The following ATP8A2 variants were observed in gnomAD, a reference collection of about 807,000 sequenced individuals.
The protein encoded by ATP8A2 is ATPase phospholipid transporting 8A2, also known as phospholipid-transporting ATPase IB.
A neutral mutation model predicts 165.6 loss-of-function variants in ATP8A2; 100 were observed. The observed-to-expected ratio is 0.60, with a 90% confidence interval of 0.51 to 0.71. The LOEUF (loss-of-function observed/expected upper bound fraction) is 0.71. Ranked by LOEUF, ATP8A2 falls within the 30% of genes least tolerant of loss-of-function variation. The pLI, the probability that ATP8A2 is intolerant of heterozygous loss-of-function variation, is 0.00. For missense variants in ATP8A2, 1,227 were observed against 1,479.5 expected, an observed-to-expected ratio of 0.83 and a Z score of 2.80; for synonymous variants, 543 against 548.8, an observed-to-expected ratio of 0.99 and a Z score of 0.15.
chr13:25,681,951 C>G (rs1440022824), intron 24 of ATP8A2, among the ~76,000 whole-genome samples: 1 of 152,120 alleles, frequency 6.6e-6, no homozygotes, highest in Non-Finnish European at 1.5e-5. Flanking sequence ...AGTGATGGGT[C>G]CCCGTCGAGT....
chr13:25,415,230 C>T (rs993857101), intron 1 of ATP8A2, among the ~76,000 whole-genome samples: 2 of 152,192 alleles, frequency 1.3e-5, no homozygotes, highest in Non-Finnish European at 2.9e-5. Context: ...TCCTCCTCCC[C>T]ATGTACTCTC....
In ATP8A2 at chr13:25,558,950, A is replaced by G. The variant is rs756528110; in HGVS notation, c.1264-23A>G. 4 of 1,493,708 alleles carry G rather than the reference A, an allele frequency of 2.7e-6. No individual in the cohort carries two copies. The South Asian group carries it at 4.7e-5, about 18-fold the overall frequency. The allele number at this position is 1,493,708 out of a possible 1,614,324, so 92.5% of individuals were successfully genotyped here. On this transcript the variant is annotated intron_variant, in intron 13 of 36. Coordinates refer to ENST00000381655, the MANE Select transcript of ATP8A2 (RefSeq NM_016529.6). ...TGCATCTCAATACTTCCTGATGTATATTTCTTTTATTCTTTGGTTTAGGTG... is the reference window on the plus strand; with the variant it reads ...TGCATCTCAATACTTCCTGATGTATGTTTCTTTTATTCTTTGGTTTAGGTG...
rs758736027 is a variant in ATP8A2 at position 25,571,709 on chromosome 13, T to C, written c.1662+17T>C. The C allele has an allele frequency of 6.2e-7, 1 of 1,604,952 alleles. No individual in the cohort carries two copies. Among genetic ancestry groups the C allele is most frequent in the Non-Finnish European group, 8.5e-7 (1 of 1,171,602 alleles). On this transcript the variant is annotated intron_variant, in intron 18 of 36. Transcript: ENST00000381655. ...ATAGAAGCGGTGAGTAACATGCGTG[T>C]GCACATTTCAGATCACCTGCTTTTG...
chr13:25,510,015 T>C (rs2037171332), intron 2 of ATP8A2, among the ~76,000 whole-genome samples: 1 of 152,246 alleles, frequency 6.6e-6, no homozygotes, highest in South Asian at 2.1e-4. Flanking sequence ...GGCACTGTGC[T>C]GTTGGTCTGA....
At chr13:25,559,147 G>C in intron 14 of ATP8A2, 86 bp downstream of exon 14, 2 of 910,782 alleles carry the variant, frequency 2.2e-6, no homozygotes, top group Non-Finnish European at 3.5e-6. Flanking sequence ...CAAATATCTT[G>C]ACTTTCTGAT....
intron 27 of ATP8A2, among the ~76,000 whole-genome samples, chr13:25,816,522 G>C (rs1193062714): frequency 6.6e-6 from 1 of 152,166 alleles, no homozygotes; most frequent in Non-Finnish European, 1.5e-5. Context: ...CACTCCTCCA[G>C]ACGTAACCTG....
intron 25 of ATP8A2, among the ~76,000 whole-genome samples, chr13:25,744,836 G>A (rs1451779128): frequency 6.6e-6 from 1 of 152,202 alleles, no homozygotes. Flanking sequence ...TCAGAGGAAA[G>A]GACCTTAAAT....
intron 24 of ATP8A2, among the ~76,000 whole-genome samples, chr13:25,686,022 G>T (rs7329584): frequency 0.1 from 15,943 of 152,166 alleles, 961 homozygotes; most frequent in East Asian, 0.26. Context: ...CAGAAAGGAA[G>T]AAGAATGATT....
At chr13:25,464,066 C>A (rs2137492619) in intron 1 of ATP8A2, among the ~76,000 whole-genome samples, 1 of 152,286 alleles carries the variant, frequency 6.6e-6, no homozygotes, top group Admixed American at 6.5e-5. Context: ...CTTGCACTTC[C>A]CACCCACTTT....
At position 25,592,683 on chromosome 13, in the gene ATP8A2, TC is replaced by T. The variant is rs113032600; in HGVS notation, c.2211+2985del. Among the ~76,000 whole-genome samples, 451 of 152,282 alleles carry T rather than the reference TC, an allele frequency of 3.0e-3. 4 individuals carry two copies. The highest frequency in any genetic ancestry group is 0.01 in the African/African-American group (419 of 41,540). ...CTAACCTTGAAAAAAGCCTCCTTTT[TC>T]TGGAGGTAACTCAGAAATGAGCCTC... On this transcript the variant is annotated intron_variant, in intron 24 of 36. Transcript: ENST00000381655.
chr13:25,629,189 A>T (rs1175851638), intron 24 of ATP8A2, among the ~76,000 whole-genome samples: 1 of 152,212 alleles, frequency 6.6e-6, no homozygotes, highest in East Asian at 1.9e-4. Flanking sequence ...GACAGAACAC[A>T]TGGGCAGTCT....
intron 24 of ATP8A2, among the ~76,000 whole-genome samples, chr13:25,613,363 C>CTTTGG (rs1464240816): frequency 6.6e-6 from 1 of 152,124 alleles, no homozygotes; most frequent in Non-Finnish European, 1.5e-5. Context: ...CAGGCGGGGT[C>CTTTGG]AAGAGATCAA....
At chr13:25,677,164 G>A (rs9511873) in intron 24 of ATP8A2, among the ~76,000 whole-genome samples, 150,640 of 152,278 alleles carry the variant, frequency 0.99, 74,526 homozygotes, top group East Asian at 1. Context: ...GCTGCCCACT[G>A]TGGTCTCTGC....
At chr13:25,435,934 T>A (rs796863288) in intron 1 of ATP8A2, among the ~76,000 whole-genome samples, 89 of 18,216 alleles carry the variant, frequency 4.9e-3, no homozygotes, top group Non-Finnish European at 0.014. Flanking sequence ...TGTGTGTGAG[T>A]GTGTGTGTGT....
chr13:25,561,711 C>A (rs2039160798), intron 15 of ATP8A2, among the ~76,000 whole-genome samples: 1 of 152,152 alleles, frequency 6.6e-6, no homozygotes, highest in East Asian at 1.9e-4. Context: ...GTTTTGCAGC[C>A]ATCCGCACCA....
At chr13:25,844,508 T>C (rs143706037) in intron 30 of ATP8A2, among the ~76,000 whole-genome samples, 2,256 of 152,190 alleles carry the variant, frequency 0.015, 71 homozygotes, top group African/African-American at 0.049. Context: ...GGATTACAGG[T>C]GTGAGCCAAT....
At chr13:25,538,823 T>C (rs1450231252) in intron 7 of ATP8A2, among the ~76,000 whole-genome samples, 1 of 152,196 alleles carries the variant, frequency 6.6e-6, no homozygotes, top group Admixed American at 6.5e-5. Flanking sequence ...TTTCTTGTAT[T>C]GAAGTTAATC....
intron 24 of ATP8A2, among the ~76,000 whole-genome samples, chr13:25,662,536 A>G (rs999544179): frequency 2.6e-5 from 4 of 152,140 alleles, no homozygotes; most frequent in Middle Eastern, 3.2e-3. Flanking sequence ...ATTATTTGGT[A>G]TAATATTATA....
intron 1 of ATP8A2, among the ~76,000 whole-genome samples, chr13:25,396,852 TG>T (rs2033443375): frequency 6.6e-6 from 1 of 152,222 alleles, no homozygotes; most frequent in African/African-American, 2.4e-5. Flanking sequence ...ATCAATCCAC[TG>T]GCATGACTGT....
Sources: allele counts gnomAD v4.1 joint callset (sites outside exome capture counted in the v4.1 genomes callset), GRCh38; gene constraint gnomAD v4.1.1; transcripts MANE v1.5; gene names NCBI Gene and HGNC (gene_info 2026-07-23, HGNC 2026-07-21).